Variants in KLHL6 observed in about 807,000 individuals in gnomAD.
KLHL6 encodes kelch-like protein 6.
A neutral mutation model predicts 58.6 loss-of-function variants in KLHL6; 41 were observed. The ratio of observed to expected loss-of-function variants is 0.70; its 90% CI spans 0.55 to 0.91. The LOEUF (loss-of-function observed/expected upper bound fraction) is 0.91, where lower values mean the gene tolerates loss of function less well. Ranked by LOEUF, KLHL6 falls within the 40% of genes least tolerant of loss-of-function variation. The pLI is 0.00. For missense variants in KLHL6, 714 were observed against 805.6 expected (o/e 0.89, Z 1.38); for synonymous variants, 338 against 322.7 (o/e 1.05, Z -0.51).
In KLHL6 at chr3:183,492,347, C is replaced by G; in HGVS notation, c.1565-119G>C. On this transcript the variant is annotated intron_variant, in intron 6 of 6. Transcript: ENST00000341319. This position sits in a 1 kb window ranked among gnomAD's most constrained non-coding sequence, Gnocchi z 5.9. ...CTACCCTCTTGCCAAGAGAAACAGT[C>G]GATTGATGGCTCTCCTGAAAGCCAG... 3 of 1,302,978 alleles carry G rather than the reference C, an allele frequency of 2.3e-6. No homozygotes were observed. The highest frequency in any genetic ancestry group is 2.5e-5 in the East Asian group (1 of 39,622). 80.7% of individuals were successfully genotyped at this position (1,302,978 alleles called of 1,614,324 possible).
At position 183,492,360 on chromosome 3, in the gene KLHL6, T is replaced by C. The variant is rs1292418493; in HGVS notation, c.1565-132A>G. On this transcript the variant is annotated intron_variant, in intron 6 of 6. Transcript: ENST00000341319. The surrounding 1 kb of genome is among the most constrained non-coding windows in gnomAD (Gnocchi z 5.9). ...AAGAGAAACAGTCGATTGATGGCTC[T>C]CCTGAAAGCCAGAGTGGGTCCTAGG... 12 of 1,301,278 alleles carry C rather than the reference T, an allele frequency of 9.2e-6. No homozygotes were observed. The highest frequency in any genetic ancestry group is 1.3e-5 in the Non-Finnish European group (12 of 943,848). The allele number at this position is 1,301,278 out of a possible 1,614,324, so 80.6% of individuals were successfully genotyped here.
rs567365137 is a variant in KLHL6, at chr3:183,504,742, T to C, written c.909+3317A>G. 2.0e-5 allele frequency among the ~76,000 whole-genome samples: 3 copies of C among 152,342 alleles called. No homozygotes were observed. In the East Asian group the frequency reaches 5.8e-4, roughly 29 times the overall value. On this transcript the variant is annotated intron_variant, in intron 3 of 6. Transcript: ENST00000341319. ...GTTCAGCATGTGCAGATTTGTTATA[T>C]AGGTAAATTGTGTGTTGTGGGGGTT...
intron 4 of KLHL6, among the ~76,000 whole-genome samples, chr3:183,498,383 T>A (rs886071185): frequency 6.6e-6 from 1 of 152,232 alleles, no homozygotes; most frequent in Non-Finnish European, 1.5e-5. Context: ...CAAGTTCAGA[T>A]TCAAGAAAAG....
At chr3:183,510,686 C>G (rs1330858439) in intron 2 of KLHL6, among the ~76,000 whole-genome samples, 4 of 152,048 alleles carry the variant, frequency 2.6e-5, no homozygotes, top group Non-Finnish European at 5.9e-5. Context: ...ACCAGCCTGA[C>G]CAACATGGAG....
chr3:183,546,578 G>C (rs910723674), intron 1 of KLHL6, among the ~76,000 whole-genome samples: 1 of 152,088 alleles, frequency 6.6e-6, no homozygotes, highest in Non-Finnish European at 1.5e-5. Context: ...TTTGTCTTCT[G>C]GGTTTGGTTC....
At chr3:183,500,834 C>CTGA in intron 3 of KLHL6, among the ~76,000 whole-genome samples, 1 of 152,198 alleles carries the variant, frequency 6.6e-6, no homozygotes, top group Non-Finnish European at 1.5e-5. Context: ...CAAAATTAGA[C>CTGA]TGATCTAACA....
In KLHL6 at chr3:183,520,784, A is replaced by G. The variant is rs1711730684; in HGVS notation, c.459+7061T>C. 4 of 152,334 alleles carry G rather than the reference A, an allele frequency of 2.6e-5. No homozygotes were observed. In the South Asian group the frequency reaches 8.3e-4, roughly 32 times the overall value. 9.4% of individuals were successfully genotyped at this position (152,334 alleles called of 1,614,324 possible). On this transcript the variant is annotated intron_variant, in intron 2 of 6. Transcript: ENST00000341319. Reference sequence around the variant, plus strand: ...CCATAAGGCGGTTTTCTCCTATCTCAGTAAATAGAATGTGCGATCGGGTTT... The same window carrying G: ...CCATAAGGCGGTTTTCTCCTATCTCGGTAAATAGAATGTGCGATCGGGTTT...
chr3:183,494,037 G>GTAATA, intron 5 of KLHL6, 42 bp downstream of exon 5: 1 of 1,550,764 alleles, frequency 6.4e-7, no homozygotes, highest in Non-Finnish European at 8.9e-7. Context: ...AAGCACTGAA[G>GTAATA]TAATAATACA....
At chr3:183,523,685 C>G (rs1034648147) in intron 2 of KLHL6, among the ~76,000 whole-genome samples, 2 of 125,974 alleles carry the variant, frequency 1.6e-5, no homozygotes, top group Non-Finnish European at 3.3e-5. Context: ...GGTTTTTTTT[C>G]CCATGAGTTG....
chr3:183,503,477 C>A (rs1040867148), intron 3 of KLHL6, among the ~76,000 whole-genome samples: 1 of 152,136 alleles, frequency 6.6e-6, no homozygotes. Flanking sequence ...AGAGGATGGG[C>A]AAGGTTAGAA....
At chr3:183,525,269 A>AACAC (rs1553811030) in intron 2 of KLHL6, among the ~76,000 whole-genome samples, 14 of 133,866 alleles carry the variant, frequency 1.0e-4, no homozygotes, top group East Asian at 1.0e-3. Flanking sequence ...CTAAAAAAAA[A>AACAC]ACACACACAC....
intron 2 of KLHL6, chr3:183,520,587 G>A (rs960725135): frequency 2.8e-4 from 42 of 152,090 alleles, no homozygotes; most frequent in African/African-American, 9.4e-4. Flanking sequence ...ATAGGGTAAT[G>A]GTGGGGAGAG....
chr3:183,536,327 C>T lies in KLHL6; in HGVS notation c.294-8317G>A, dbSNP rs1278503350. Reference sequence around the variant, plus strand: ...CCACCAGGAGGCAAGGGCCGTGATACTCTCTGACCACACTGACTGTCTTTG... The same window carrying T: ...CCACCAGGAGGCAAGGGCCGTGATATTCTCTGACCACACTGACTGTCTTTG... On this transcript the variant is annotated intron_variant, in intron 1 of 6. Transcript: ENST00000341319. Among the ~76,000 whole-genome samples, 4 of 152,246 alleles carry T rather than the reference C, an allele frequency of 2.6e-5. No individual in the cohort carries two copies. The East Asian group carries it at 7.7e-4, about 29-fold the overall frequency.
intron 2 of KLHL6, among the ~76,000 whole-genome samples, chr3:183,508,970 A>G (rs1200553316): frequency 1.3e-5 from 2 of 152,218 alleles, no homozygotes; most frequent in Non-Finnish European, 2.9e-5. Context: ...TTACTCAGCA[A>G]TTTACAGGAA....
rs913311800 is a variant in KLHL6 at position 183,506,687 on chromosome 3, G to C, written c.909+1372C>G. Among the ~76,000 whole-genome samples the C allele has an allele frequency of 6.6e-5, 10 of 151,964 alleles. No individual in the cohort carries two copies. In the East Asian group the frequency reaches 1.9e-3, roughly 29 times the overall value. The stretch of plus-strand genomic sequence containing the variant: ...TACAAAATATTTAAAAATTAGCCGG[G>C]TGTGGTAGCACATGCCTGTACTCCC... On this transcript the variant is annotated intron_variant, in intron 3 of 6. Coordinates refer to ENST00000341319, the MANE Select transcript of KLHL6 (RefSeq NM_130446.4).
At chr3:183,506,040 A>C (rs942184775) in intron 3 of KLHL6, among the ~76,000 whole-genome samples, 1 of 152,230 alleles carries the variant, frequency 6.6e-6, no homozygotes, top group African/African-American at 2.4e-5. Context: ...AGAAACTCTA[A>C]AAGAACCTCA....
Position 183,491,854 on chromosome 3 carries a change from G to A in KLHL6, c.*73C>T. On this transcript the variant is annotated 3_prime_UTR_variant, in exon 7 of 7. Transcript: ENST00000341319. Reference sequence around the variant, plus strand: ...AAACTCGAGCCTGCTGCCTGAAGTGGGACTGGAGGAGGGTGAGAGGTGAGG... The same window carrying A: ...AAACTCGAGCCTGCTGCCTGAAGTGAGACTGGAGGAGGGTGAGAGGTGAGG... The A allele has an allele frequency of 7.6e-7, 1 of 1,312,948 alleles. No homozygotes were observed. Among genetic ancestry groups the A allele is most frequent in the South Asian group, 1.8e-5 (1 of 55,252 alleles). 81.3% of individuals were successfully genotyped at this position (1,312,948 alleles called of 1,614,324 possible). A position where few individuals can be genotyped will look rare whatever the true frequency, so the allele number is the denominator to read the frequency against.
intron 1 of KLHL6, among the ~76,000 whole-genome samples, chr3:183,528,508 C>A (rs1296632693): frequency 6.6e-6 from 1 of 152,238 alleles, no homozygotes; most frequent in East Asian, 1.9e-4. Flanking sequence ...TCCGTAGGTT[C>A]CCAGATGCAG....
rs146983931 is a variant in KLHL6 at position 183,515,276 on chromosome 3, A to G, written c.460-6768T>C. ...CAATAATTGTTTAAGGGCTGGGCAC[A>G]ATGGCTTAAGCTTATAATCCCAGCA... On this transcript the variant is annotated intron_variant, in intron 2 of 6. Transcript: ENST00000341319. 7.2e-3 allele frequency among the ~76,000 whole-genome samples: 1,092 copies of G among 152,290 alleles called. 14 individuals are homozygous for G. Among genetic ancestry groups the G allele is most frequent in the African/African-American group, 0.024 (1,007 of 41,548 alleles).
Sources: allele counts gnomAD v4.1 joint callset (sites outside exome capture counted in the v4.1 genomes callset), GRCh38; gene constraint gnomAD v4.1.1; non-coding constraint Gnocchi (gnomAD v3.1); transcripts MANE v1.5; gene names NCBI Gene and HGNC (gene_info 2026-07-23, HGNC 2026-07-21).